The following SLX4IP variants were observed in gnomAD, a reference collection of about 807,000 sequenced individuals.
The protein encoded by SLX4IP is protein SLX4IP.
A neutral mutation model predicts 32.9 loss-of-function variants in SLX4IP; 34 were observed. That is an observed-to-expected ratio of 1.03 (90% CI 0.79 to 1.38). SLX4IP has a LOEUF of 1.38. SLX4IP is among the 40% of genes most tolerant of loss of function. SLX4IP has a pLI of 0.00. For missense variants in SLX4IP, 444 were observed against 479.0 expected (o/e 0.93, Z 0.68); for synonymous variants, 172 against 171.7 (o/e 1.00, Z -0.01).
intron 2 of SLX4IP, among the ~76,000 whole-genome samples, chr20:10,511,709 G>GGT (rs1232750865): frequency 6.6e-6 from 1 of 152,236 alleles, no homozygotes. Context: ...CCCACAGTTA[G>GGT]GTGGCCAGAC....
At chr20:10,491,217 G>A (rs941919487) in intron 2 of SLX4IP, among the ~76,000 whole-genome samples, 3 of 152,086 alleles carry the variant, frequency 2.0e-5, no homozygotes, top group Admixed American at 6.5e-5. Flanking sequence ...TACTTATTTC[G>A]CAGTTTAAAC....
chr20:10,583,728 T>C (rs1409786838), intron 4 of SLX4IP, among the ~76,000 whole-genome samples: 3 of 152,206 alleles, frequency 2.0e-5, no homozygotes, highest in Non-Finnish European at 4.4e-5. Context: ...AATTTCACGC[T>C]AACAATGTAT....
At chr20:10,541,339 T>G (rs572897475) in intron 2 of SLX4IP, among the ~76,000 whole-genome samples, 1 of 152,334 alleles carries the variant, frequency 6.6e-6, no homozygotes, top group Non-Finnish European at 1.5e-5. Context: ...TCCCCTTGCA[T>G]CACTGGGCAC....
chr20:10,565,296 A>C (rs2066378907), intron 4 of SLX4IP, among the ~76,000 whole-genome samples: 1 of 152,118 alleles, frequency 6.6e-6, no homozygotes, highest in African/African-American at 2.4e-5. Flanking sequence ...AGCAGAGAAG[A>C]AGTTGATTAA....
At chr20:10,444,531 C>G (rs2065185054) in intron 1 of SLX4IP, among the ~76,000 whole-genome samples, 1 of 152,080 alleles carries the variant, frequency 6.6e-6, no homozygotes, top group African/African-American at 2.4e-5. Context: ...GTGTGTGCCA[C>G]CATGCTCAGC....
At chr20:10,535,451 A>T (rs1185236813) in intron 2 of SLX4IP, among the ~76,000 whole-genome samples, 1 of 152,132 alleles carries the variant, frequency 6.6e-6, no homozygotes, top group African/African-American at 2.4e-5. Flanking sequence ...CCTTCCAAGT[A>T]GCTGGGATTA....
chr20:10,611,265 A>C (rs1316124963), intron 6 of SLX4IP, among the ~76,000 whole-genome samples: 3 of 152,236 alleles, frequency 2.0e-5, no homozygotes, highest in Non-Finnish European at 4.4e-5. Context: ...CAGTGCAACA[A>C]ACCTGAGAAG....
chr20:10,535,903 G>A (rs1676058741), intron 2 of SLX4IP, among the ~76,000 whole-genome samples: 1 of 152,206 alleles, frequency 6.6e-6, no homozygotes, highest in South Asian at 2.1e-4. Context: ...AAAGGGGTAA[G>A]GATTTTGGAG....
intron 2 of SLX4IP, among the ~76,000 whole-genome samples, chr20:10,488,525 T>G (rs1268809511): frequency 6.6e-6 from 1 of 152,094 alleles, no homozygotes; most frequent in South Asian, 2.1e-4. Flanking sequence ...TTTTGGTACT[T>G]TATATCATAG....
At chr20:10,570,775 C>T (rs544595086) in intron 4 of SLX4IP, among the ~76,000 whole-genome samples, 15 of 152,166 alleles carry the variant, frequency 9.9e-5, no homozygotes, top group African/African-American at 2.2e-4. Flanking sequence ...GTGACCCACC[C>T]GCCTTGGCCT....
chr20:10,554,397 TTTGCATACAAGTCTTTG>T (rs1444210747), intron 2 of SLX4IP, among the ~76,000 whole-genome samples: 1 of 152,232 alleles, frequency 6.6e-6, no homozygotes, highest in African/African-American at 2.4e-5. Context: ...TCCATGAATA[TTTGCATACAAGTCTTTG>T]TGTGCACATA....
chr20:10,560,649 A>AT (rs748871512), intron 3 of SLX4IP, 51 bp from the exon 4 acceptor site: 3 of 1,327,708 alleles, frequency 2.3e-6, no homozygotes, highest in Non-Finnish European at 2.0e-6. Flanking sequence ...ATATATGTTA[A>AT]TTTTTTTGCA....
chr20:10,457,195 T>C (rs1600890758), intron 1 of SLX4IP, among the ~76,000 whole-genome samples: 1 of 152,212 alleles, frequency 6.6e-6, no homozygotes, highest in South Asian at 2.1e-4. Context: ...TCTGGATGCT[T>C]TTTATTTCTT....
At chr20:10,447,633 A>G (rs2065212108) in intron 1 of SLX4IP, among the ~76,000 whole-genome samples, 1 of 152,046 alleles carries the variant, frequency 6.6e-6, no homozygotes. Context: ...TTGTATTCAT[A>G]GATTTCTAAT....
At chr20:10,550,069 A>G (rs1041360367) in intron 2 of SLX4IP, among the ~76,000 whole-genome samples, 4 of 152,200 alleles carry the variant, frequency 2.6e-5, no homozygotes, top group African/African-American at 9.6e-5. Flanking sequence ...TATCCTCAGC[A>G]TGAATTCCTT....
In SLX4IP at chr20:10,495,616, G is replaced by A. The variant is rs1048454407; in HGVS notation, c.27+37385G>A. Among the ~76,000 whole-genome samples the A allele has an allele frequency of 2.0e-5, 3 of 152,184 alleles. No homozygotes were observed. In the South Asian group the frequency reaches 6.2e-4, roughly 32 times the overall value. On this transcript the variant is annotated intron_variant, in intron 2 of 7. Coordinates refer to ENST00000334534, the MANE Select transcript of SLX4IP (RefSeq NM_001009608.3). ...GTCACATTTTCCTTATATCTTGTCA[G>A]TTTTTGCTTTATGTATGTTGAAGCT... is the stretch of plus-strand genomic sequence containing the variant.
chr20:10,603,878 C>T (rs2066871903), intron 6 of SLX4IP, among the ~76,000 whole-genome samples: 1 of 152,202 alleles, frequency 6.6e-6, no homozygotes, highest in Non-Finnish European at 1.5e-5. Flanking sequence ...AAGCCAACTA[C>T]ACCATCCTTC....
At chr20:10,574,100 A>G in intron 4 of SLX4IP, among the ~76,000 whole-genome samples, 1 of 152,216 alleles carries the variant, frequency 6.6e-6, no homozygotes, top group Admixed American at 6.5e-5. Context: ...ATTACAGTAA[A>G]TGGAAAGTAA....
intron 5 of SLX4IP, among the ~76,000 whole-genome samples, chr20:10,599,076 A>T (rs2066809927): frequency 6.6e-6 from 1 of 152,190 alleles, no homozygotes. Context: ...CATATGGAGC[A>T]GGTGTGTACA....
Sources: allele counts gnomAD v4.1 joint callset (sites outside exome capture counted in the v4.1 genomes callset), GRCh38; gene constraint gnomAD v4.1.1; transcripts MANE v1.5; gene names NCBI Gene and HGNC (gene_info 2026-07-23, HGNC 2026-07-21).